Variants in MYO18B observed in about 807,000 individuals in gnomAD.
MYO18B encodes myosin XVIIIB.
A neutral mutation model predicts 273.0 loss-of-function variants in MYO18B; 204 were observed. The observed-to-expected ratio is 0.75, with a 90% CI of 0.67 to 0.84. The LOEUF (loss-of-function observed/expected upper bound fraction) is 0.84. Ranked by LOEUF, MYO18B falls within the 40% of genes least tolerant of loss-of-function variation. MYO18B has a pLI of 0.00. For missense variants in MYO18B, 3,212 were observed against 3,287.6 expected, an observed-to-expected ratio of 0.98 and a Z score of 0.56; for synonymous variants, 1,330 against 1,305.7, an observed-to-expected ratio of 1.02 and a Z score of -0.40.
chr22:25,991,846 G>A (rs1189524497), intron 39 of MYO18B, among the ~76,000 whole-genome samples: 1 of 152,202 alleles, frequency 6.6e-6, no homozygotes, highest in African/African-American at 2.4e-5. Flanking sequence ...AGGGAGCCCA[G>A]CTGGGTTTTT....
intron 42 of MYO18B, among the ~76,000 whole-genome samples, chr22:26,017,032 CCTTCCTTCCT>C (rs1935394628): frequency 4.0e-5 from 1 of 25,284 alleles, no homozygotes; most frequent in Admixed American, 3.7e-4. Flanking sequence ...TAATTTCCTT[CCTTCCTTCCT>C]TCCTTCCTTC....
chr22:25,889,188 G>A (rs1255748417), intron 25 of MYO18B, among the ~76,000 whole-genome samples: 1 of 151,276 alleles, frequency 6.6e-6, no homozygotes, highest in East Asian at 1.9e-4. Context: ...TTTTTTTTAT[G>A]TCAGAACATA....
chr22:26,009,764 G>A (rs1485328854), intron 42 of MYO18B, among the ~76,000 whole-genome samples: 1 of 152,070 alleles, frequency 6.6e-6, no homozygotes, highest in African/African-American at 2.4e-5. Context: ...ATCTCCAAAT[G>A]CCAGGGTTCA....
At chr22:25,921,703 TGTGTGTGTGTGTGTGTGTGTGTG>T (rs955134774) in intron 34 of MYO18B, among the ~76,000 whole-genome samples, 1 of 6,234 alleles carries the variant, frequency 1.6e-4, no homozygotes, top group Non-Finnish European at 4.0e-4. Flanking sequence ...GTGTGCCTGT[TGTGTGTGTGTGTGTGTGTGTGTG>T]TGTGTGTGTG....
At chr22:25,854,361 A>G (rs978030524) in intron 21 of MYO18B, among the ~76,000 whole-genome samples, 1 of 152,232 alleles carries the variant, frequency 6.6e-6, no homozygotes, top group African/African-American at 2.4e-5. Context: ...ACAGTATTCA[A>G]AATATAATTC....
chr22:25,867,380 C>A (rs955533889), intron 21 of MYO18B, among the ~76,000 whole-genome samples: 1 of 152,206 alleles, frequency 6.6e-6, no homozygotes, highest in East Asian at 1.9e-4. Context: ...TCATGCAGTA[C>A]TTGTCCTTTT....
intron 2 of MYO18B, among the ~76,000 whole-genome samples, chr22:25,762,335 C>T (rs964505884): frequency 4.6e-5 from 7 of 152,236 alleles, no homozygotes; most frequent in Admixed American, 1.3e-4. Context: ...CACAGCAAGT[C>T]TTTACCATAC....
intron 40 of MYO18B, among the ~76,000 whole-genome samples, chr22:25,996,217 G>C (rs75145414): frequency 0.018 from 2,775 of 152,302 alleles, 89 homozygotes; most frequent in African/African-American, 0.064. Flanking sequence ...TAAGAAGCAA[G>C]TGAAAAAGTA....
At chr22:25,988,018 C>T (rs957081376) in intron 39 of MYO18B, among the ~76,000 whole-genome samples, 1 of 152,138 alleles carries the variant, frequency 6.6e-6, no homozygotes, top group African/African-American at 2.4e-5. Flanking sequence ...AGCTCACAAT[C>T]GACCTCAGCA....
intron 39 of MYO18B, among the ~76,000 whole-genome samples, chr22:25,970,690 A>G (rs576842804): frequency 1.3e-5 from 2 of 152,368 alleles, no homozygotes; most frequent in Admixed American, 6.5e-5. Context: ...AGCTGTCTGC[A>G]GCTGACATCC....
At chr22:25,842,408 C>A (rs985410430) in intron 17 of MYO18B, among the ~76,000 whole-genome samples, 1 of 152,166 alleles carries the variant, frequency 6.6e-6, no homozygotes, top group African/African-American at 2.4e-5. Flanking sequence ...TGCGGTGGCT[C>A]ACGCCTGTAA....
In MYO18B at chr22:25,831,051, G is replaced by A. The variant is rs138050393; in HGVS notation, c.2980-1866G>A. On this transcript the variant is annotated intron_variant, in intron 15 of 43. Coordinates refer to ENST00000335473, the MANE Select transcript of MYO18B (RefSeq NM_032608.7). ...AACTAAAGATACAATCTCCTTTGGC[G>A]CTTCTATCCAGAGGCAACCATTGTT... is the stretch of plus-strand genomic sequence containing the variant. 5.3e-3 allele frequency among the ~76,000 whole-genome samples: 804 copies of A among 152,254 alleles called. 4 individuals carry two copies. The highest frequency in any genetic ancestry group is 0.01 in the Middle Eastern group (3 of 294).
At position 25,785,459 on chromosome 22, in the gene MYO18B, A is replaced by G; in HGVS notation, c.2344A>G (p.Ser782Gly). ...TELNLHQMAD[S>G]SSFGMGVWSK... ...GCTGAACCTGCACCAGATGGCAGAT[A>G]GCAGCTCCTTTGGCATGGGCGTGTG... Residue 782 changes from serine to glycine, a missense_variant, in exon 11 of 44, where the codon AGC becomes GGC. Ser to Gly is a moderately conservative substitution (Grantham distance 56). Coordinates refer to ENST00000335473, the MANE Select transcript of MYO18B (RefSeq NM_032608.7). The G allele has an allele frequency of 1.2e-6, 2 of 1,612,296 alleles. No homozygotes were observed. Among genetic ancestry groups the G allele is most frequent in the South Asian group, 2.2e-5 (2 of 90,432 alleles).
chr22:26,012,798 C>G (rs1223221994), intron 42 of MYO18B, among the ~76,000 whole-genome samples: 1 of 152,106 alleles, frequency 6.6e-6, no homozygotes, highest in Non-Finnish European at 1.5e-5. Context: ...ATCTGTGGTT[C>G]TCTGATTAAG....
chr22:25,792,449 C>T (rs1025120703), intron 11 of MYO18B, among the ~76,000 whole-genome samples: 9 of 148,748 alleles, frequency 6.1e-5, no homozygotes, highest in African/African-American at 2.2e-4. Flanking sequence ...CCATGAGGTT[C>T]ACTGGCCTGT....
At chr22:25,955,728 A>G (rs549211930) in intron 39 of MYO18B, among the ~76,000 whole-genome samples, 2 of 152,312 alleles carry the variant, frequency 1.3e-5, no homozygotes, top group African/African-American at 4.8e-5. Flanking sequence ...ATCTTTCACC[A>G]GGTCTCAATA....
At chr22:25,790,756 T>C (rs2087626236) in intron 11 of MYO18B, among the ~76,000 whole-genome samples, 1 of 152,238 alleles carries the variant, frequency 6.6e-6, no homozygotes, top group African/African-American at 2.4e-5. Flanking sequence ...CTCCCCAGTA[T>C]CATTTCACTA....
chr22:26,036,597 G>T, the MYO18B span, among the ~76,000 whole-genome samples: 1 of 152,178 alleles, frequency 6.6e-6, no homozygotes, highest in Admixed American at 6.5e-5. Context: ...GGATTCACTG[G>T]AATGGCTTAT....
chr22:25,860,760 A>G (rs2090708081), intron 21 of MYO18B, among the ~76,000 whole-genome samples: 1 of 152,168 alleles, frequency 6.6e-6, no homozygotes, highest in Non-Finnish European at 1.5e-5. Flanking sequence ...GCCTAATATT[A>G]TATATCTAGG....
Sources: gnomAD v4.1 joint callset for allele counts (sites outside exome capture counted in the v4.1 genomes callset) on GRCh38, gnomAD v4.1.1 for gene constraint, MANE v1.5 for transcripts, NCBI Gene and HGNC (gene_info 2026-07-23, HGNC 2026-07-21) for gene names.